The following ZP3 variants were observed in gnomAD, a reference collection of about 807,000 sequenced individuals.
ZP3 encodes the protein zona pellucida sperm-binding protein 3.
In ZP3, 21 loss-of-function variants were observed where a neutral mutation model predicts 35.6. The observed-to-expected ratio is 0.59, with a 90% CI of 0.42 to 0.85. ZP3 has a LOEUF of 0.85. Ranked by LOEUF, ZP3 falls within the 40% of genes least tolerant of loss-of-function variation. The pLI is 0.00. For missense variants in ZP3, 437 were observed against 536.5 expected (o/e 0.81, Z 1.83); for synonymous variants, 207 against 214.5 (o/e 0.96, Z 0.31).
At chr7:76,435,216 C>T (rs1162241068) in intron 5 of ZP3, among the ~76,000 whole-genome samples, 1 of 152,272 alleles carries the variant, frequency 6.6e-6, no homozygotes, top group Admixed American at 6.5e-5. Context: ...TGATGGTGGG[C>T]ACCTGTAGTC....
At chr7:76,437,026 A>C (rs1162688031) in intron 5 of ZP3, among the ~76,000 whole-genome samples, 77 of 151,712 alleles carry the variant, frequency 5.1e-4, no homozygotes, top group African/African-American at 1.7e-3. Flanking sequence ...CCTATTTCAG[A>C]GCAATAGGGT....
intron 1 of ZP3, among the ~76,000 whole-genome samples, chr7:76,426,073 ACT>A (rs1805641401): frequency 1.5e-5 from 2 of 136,200 alleles, no homozygotes; most frequent in Non-Finnish European, 3.2e-5. Context: ...ACAGAGCGAG[ACT>A]CTGGCTCAAA....
intron 1 of ZP3, among the ~76,000 whole-genome samples, chr7:76,413,538 A>C (rs1278169065): frequency 1.3e-5 from 2 of 152,164 alleles, no homozygotes; most frequent in African/African-American, 2.4e-5. Context: ...AAGTGCTGGG[A>C]TTACAGGCTT....
intron 5 of ZP3, among the ~76,000 whole-genome samples, chr7:76,437,869 A>G (rs1313965198): frequency 6.6e-6 from 1 of 152,194 alleles, no homozygotes; most frequent in Non-Finnish European, 1.5e-5. Context: ...AGCACCAGAA[A>G]AACATACTAG....
intron 1 of ZP3, among the ~76,000 whole-genome samples, chr7:76,411,160 G>A (rs575473347): frequency 1.7e-3 from 255 of 151,426 alleles, no homozygotes; most frequent in African/African-American, 5.9e-3. Context: ...CATTCCTTCC[G>A]TCATCTCAGG....
chr7:76,401,054 G>A (rs1165535305), intron 1 of ZP3: 10 of 1,544,136 alleles, frequency 6.5e-6, no homozygotes, highest in Non-Finnish European at 8.7e-6. Context: ...CTGAAACAGA[G>A]TGAGGAAGAG....
rs1187099663 is a variant in ZP3 at position 76,439,230 on chromosome 7, G to C, written c.832-1020G>C. 5.3e-5 allele frequency among the ~76,000 whole-genome samples: 8 copies of C among 149,638 alleles called. No individual in the cohort carries two copies. In the East Asian group the frequency reaches 1.6e-3, roughly 30 times the overall value. On this transcript the variant is annotated intron_variant, in intron 5 of 7. Transcript: ENST00000394857. ...ATGTGCCCAAGGACCTCAGGTCCCA[G>C]AAACAACTTGGTCTTGCCTTAGCTG...
Position 76,440,511 on chromosome 7 carries a change from A to G in ZP3, c.960A>G (p.Gln320=), listed in dbSNP as rs372434766. The G allele has an allele frequency of 6.2e-7, 1 of 1,614,050 alleles. No individual in the cohort carries two copies. Among genetic ancestry groups the G allele is most frequent in the African/African-American group, 1.3e-5 (1 of 74,934 alleles). ...FPVEGSADIC[Q]CCNKGDCGTP... ...TGGAAGGCTCGGCTGACATCTGTCA[A>G]TGCTGTAACAAAGGTGACTGTGGCA... The change falls in exon 7 of 8, where the codon CAA becomes CAG. Residue 320 remains glutamine, a synonymous_variant. Transcript: ENST00000394857.
intron 3 of ZP3, among the ~76,000 whole-genome samples, 184 bp downstream of exon 3, chr7:76,433,214 C>A (rs1805888999): frequency 7.7e-6 from 1 of 130,590 alleles, no homozygotes; most frequent in South Asian, 2.4e-4. Flanking sequence ...AGTGCAGTGG[C>A]ACGATCTCAG....
chr7:76,433,807 T>C, intron 4 of ZP3, 160 bp downstream of exon 4: 1 of 1,021,094 alleles, frequency 9.8e-7, no homozygotes, highest in East Asian at 2.5e-5. Context: ...TAAGTGATTC[T>C]CCTGCCTCAG....
At chr7:76,439,393 G>A (rs1384133477) in intron 5 of ZP3, among the ~76,000 whole-genome samples, 1 of 152,062 alleles carries the variant, frequency 6.6e-6, no homozygotes, top group African/African-American at 2.4e-5. Flanking sequence ...GATGGGCGCG[G>A]GTTTAGCAAT....
At chr7:76,398,946 A>G in intron 1 of ZP3, 1 of 731,852 alleles carries the variant, frequency 1.4e-6, no homozygotes, top group South Asian at 1.8e-5. Context: ...ACACTGGGGT[A>G]TGAGAGGAGA....
At chr7:76,423,005 GAA>G (rs140018157), upstream of ZP3, among the ~76,000 whole-genome samples, 80 of 51,630 alleles carry the variant, frequency 1.5e-3, 2 homozygotes, top group Admixed American at 9.4e-3. Context: ...TCAAAAGAAA[GAA>G]AGAGAGAGAG....
At chr7:76,405,890 C>T (rs756569969) in intron 1 of ZP3, among the ~76,000 whole-genome samples, 1 of 152,072 alleles carries the variant, frequency 6.6e-6, no homozygotes, top group African/African-American at 2.4e-5. Context: ...TTCTTTCCTT[C>T]CTTCCTTCTG....
intron 5 of ZP3, among the ~76,000 whole-genome samples, chr7:76,437,470 C>CTTTT (rs71521129): frequency 8.2e-5 from 11 of 134,880 alleles, no homozygotes; most frequent in South Asian, 4.6e-4. Flanking sequence ...ACACTCCCCT[C>CTTTT]TTTTTTTTTT....
chr7:76,437,857 T>C (rs1806071368), intron 5 of ZP3, among the ~76,000 whole-genome samples: 1 of 152,194 alleles, frequency 6.6e-6, no homozygotes, highest in Admixed American at 6.6e-5. Flanking sequence ...TAGACTCCAG[T>C]TAGCACCAGA....
At position 76,419,645 on chromosome 7, in the gene ZP3, T is replaced by TTCTC. The variant is rs565288449; in HGVS notation, c.-66-5395_-66-5392dup. Among the ~76,000 whole-genome samples the TTCTC allele has an allele frequency of 6.1e-4, 92 of 151,294 alleles. 1 individual carries two copies. In the Middle Eastern group the frequency reaches 0.017, roughly 28 times the overall value. On this transcript the variant is annotated intron_variant, in intron 1 of 8. Coordinates refer to the ZP3 transcript ENST00000336517. ...CTTTCTTTCTTTTTCTTTCTTTCTT[T>TTCTC]TCTCTCTCTCTCTCTTTCTTTCTTT...
intron 1 of ZP3, among the ~76,000 whole-genome samples, chr7:76,427,127 C>T (rs1291962253): frequency 6.6e-6 from 1 of 152,096 alleles, no homozygotes; most frequent in African/African-American, 2.4e-5. Context: ...GTGGGACCAG[C>T]TGTGGGTAAT....
chr7:76,430,635 T>C (rs3789835), intron 2 of ZP3, among the ~76,000 whole-genome samples: 13,948 of 152,178 alleles, frequency 0.092, 1,259 homozygotes, highest in African/African-American at 0.23. Flanking sequence ...CTCAGGAGGC[T>C]GAGGCAGGAG....
Sources: allele counts gnomAD v4.1 joint callset (sites outside exome capture counted in the v4.1 genomes callset), GRCh38; gene constraint gnomAD v4.1.1; transcripts MANE v1.5; gene names NCBI Gene and HGNC (gene_info 2026-07-23, HGNC 2026-07-21).